KATNIP: variants seen among roughly 807,000 people sequenced by gnomAD.
The protein encoded by KATNIP is katanin interacting protein, also known as katanin-interacting protein.
A neutral mutation model predicts 174.0 loss-of-function variants in KATNIP; 126 were observed. That is an observed-to-expected ratio of 0.72 (90% CI 0.63 to 0.84). The LOEUF (loss-of-function observed/expected upper bound fraction) is 0.84, where lower values mean the gene tolerates loss of function less well. Ranked by LOEUF, KATNIP falls within the 40% of genes least tolerant of loss-of-function variation. The pLI, the probability that KATNIP is intolerant of heterozygous loss-of-function variation, is 0.00. For synonymous variants in KATNIP, 810 were observed against 835.7 expected, an observed-to-expected ratio of 0.97 and a Z score of 0.53; for missense variants, 1,958 against 2,109.7, an observed-to-expected ratio of 0.93 and a Z score of 1.41.
chr16:27,708,161 C>T (rs1175877747), intron 12 of KATNIP, among the ~76,000 whole-genome samples: 1 of 151,946 alleles, frequency 6.6e-6, no homozygotes, highest in African/African-American at 2.4e-5. Flanking sequence ...GGACTACAGG[C>T]ATGTGCCGCT....
At chr16:27,725,980 G>T (rs1373563203) in intron 14 of KATNIP, among the ~76,000 whole-genome samples, 1 of 152,120 alleles carries the variant, frequency 6.6e-6, no homozygotes, top group Non-Finnish European at 1.5e-5. Flanking sequence ...TCTAGGCCAG[G>T]GGTCCCCAGC....
intron 18 of KATNIP, among the ~76,000 whole-genome samples, chr16:27,756,267 A>G (rs2081722845): frequency 6.6e-6 from 1 of 152,226 alleles, no homozygotes; most frequent in African/African-American, 2.4e-5. Context: ...AGCCCCTTAC[A>G]TTCCAGGGCG....
intron 13 of KATNIP, 27 bp from the exon 14 acceptor site, chr16:27,721,531 G>A: frequency 6.2e-7 from 1 of 1,613,852 alleles, no homozygotes; most frequent in South Asian, 1.1e-5. Flanking sequence ...TGTGCCTAAT[G>A]ATTTCCTTCT....
chr16:27,774,860 C>G, intron 23 of KATNIP, 85 bp from the exon 24 acceptor site: 1 of 1,523,626 alleles, frequency 6.6e-7, no homozygotes, highest in Non-Finnish European at 9.0e-7. Flanking sequence ...GCCCCAGAGT[C>G]CCCCGAGCCA....
At chr16:27,735,441 C>A (rs1265555911) in intron 14 of KATNIP, among the ~76,000 whole-genome samples, 1 of 152,244 alleles carries the variant, frequency 6.6e-6, no homozygotes, top group African/African-American at 2.4e-5. Flanking sequence ...GTGTTTCTGT[C>A]TCACCAGATA....
At chr16:27,725,777 C>T (rs2080424749) in intron 14 of KATNIP, among the ~76,000 whole-genome samples, 1 of 152,172 alleles carries the variant, frequency 6.6e-6, no homozygotes, top group African/African-American at 2.4e-5. Flanking sequence ...GCACACCATC[C>T]CCATCATCCA....
At chr16:27,641,217 C>T (rs537949389) in intron 5 of KATNIP, among the ~76,000 whole-genome samples, 1 of 152,060 alleles carries the variant, frequency 6.6e-6, no homozygotes, top group Non-Finnish European at 1.5e-5. Context: ...AGTTCAAATC[C>T]AAGGCTAGCA....
chr16:27,653,965 C>G (rs887164058), intron 6 of KATNIP, among the ~76,000 whole-genome samples: 1 of 151,690 alleles, frequency 6.6e-6, no homozygotes, highest in Non-Finnish European at 1.5e-5. Context: ...GCCACCATGG[C>G]CAGCCCCATT....
chr16:27,745,185 T>G (rs1308754828), intron 15 of KATNIP, among the ~76,000 whole-genome samples: 1 of 152,138 alleles, frequency 6.6e-6, no homozygotes, highest in Non-Finnish European at 1.5e-5. Flanking sequence ...GTAAAGAGGA[T>G]GTTATTTGGA....
intron 5 of KATNIP, among the ~76,000 whole-genome samples, chr16:27,640,614 A>G (rs1462555292): frequency 6.6e-6 from 1 of 151,994 alleles, no homozygotes; most frequent in East Asian, 1.9e-4. Context: ...ATGTTGCTTC[A>G]TAAACACATT....
At chr16:27,551,261 G>A (rs538575345) in intron 1 of KATNIP, among the ~76,000 whole-genome samples, 12 of 152,308 alleles carry the variant, frequency 7.9e-5, no homozygotes, top group Admixed American at 3.3e-4. Context: ...TCACTTCTCG[G>A]GAATTTGTTC....
intron 6 of KATNIP, among the ~76,000 whole-genome samples, chr16:27,661,565 T>C (rs2077474259): frequency 6.6e-6 from 1 of 151,598 alleles, no homozygotes; most frequent in Non-Finnish European, 1.5e-5. Flanking sequence ...CTAATTTTTG[T>C]ATTTTTAGTA....
At position 27,572,362 on chromosome 16, in the gene KATNIP, AACACACACACAC is replaced by A. The variant is rs3056269; in HGVS notation, c.8-1513_8-1502del. Among the ~76,000 whole-genome samples, 12 of 138,148 alleles carry A rather than the reference AACACACACACAC, an allele frequency of 8.7e-5. No individual in the cohort carries two copies. The East Asian group carries it at 2.2e-3, about 25-fold the overall frequency. The allele number at this position is 138,148 out of a possible 152,430, so 90.6% of individuals were successfully genotyped here. ...TTCTTTGTCTTAAGGCAAAAAAGAA[AACACACACACAC>A]ACACACACACACACACACACACACA... is the stretch of plus-strand genomic sequence containing the variant. On this transcript the variant is annotated intron_variant, in intron 1 of 27. Coordinates refer to ENST00000261588, the MANE Select transcript of KATNIP (RefSeq NM_015202.5).
At chr16:27,756,549 A>G (rs1050371814) in intron 18 of KATNIP, among the ~76,000 whole-genome samples, 3 of 152,186 alleles carry the variant, frequency 2.0e-5, no homozygotes, top group Non-Finnish European at 2.9e-5. Flanking sequence ...TCCTCACCAC[A>G]CTAGCAGATT....
At chr16:27,563,891 T>TAAAA (rs58505514) in intron 1 of KATNIP, among the ~76,000 whole-genome samples, 3 of 66,708 alleles carry the variant, frequency 4.5e-5, no homozygotes, top group African/African-American at 6.4e-5. Flanking sequence ...TCTAGTAAAT[T>TAAAA]AAAAAAAAAA....
chr16:27,635,790 G>C (rs1378306963), intron 5 of KATNIP, among the ~76,000 whole-genome samples: 2 of 152,142 alleles, frequency 1.3e-5, no homozygotes, highest in African/African-American at 4.8e-5. Context: ...GATAATGGTT[G>C]TTGGGCTCAT....
intron 20 of KATNIP, 48 bp downstream of exon 20, chr16:27,766,522 G>A (rs747452675): frequency 1.2e-5 from 19 of 1,559,676 alleles, no homozygotes; most frequent in Middle Eastern, 1.7e-4. Context: ...CAGGGAAGCA[G>A]CACCTTGATG....
At chr16:27,687,777 A>C (rs2078575616) in intron 8 of KATNIP, among the ~76,000 whole-genome samples, 1 of 152,218 alleles carries the variant, frequency 6.6e-6, no homozygotes, top group Admixed American at 6.5e-5. Context: ...CCAACCACAG[A>C]AATAAAGCAA....
chr16:27,687,575 G>A (rs1028526888), intron 8 of KATNIP: 3 of 152,106 alleles, frequency 2.0e-5, no homozygotes, highest in Admixed American at 6.5e-5. Context: ...TAATGAAAGG[G>A]CCTCATGTCC....
Sources: gnomAD v4.1 joint callset for allele counts (sites outside exome capture counted in the v4.1 genomes callset) on GRCh38, gnomAD v4.1.1 for gene constraint, MANE v1.5 for transcripts, NCBI Gene and HGNC (gene_info 2026-07-23, HGNC 2026-07-21) for gene names.